SLC30A8: variants seen among roughly 807,000 people sequenced by gnomAD.
SLC30A8 encodes proton-coupled zinc antiporter SLC30A8.
Under a neutral mutation model 36.9 loss-of-function variants are expected in SLC30A8, and 27 were observed. That is an observed-to-expected ratio of 0.73 (90% CI 0.54 to 1.01). The LOEUF (loss-of-function observed/expected upper bound fraction) is 1.01, where lower values mean the gene tolerates loss of function less well. Ranked by LOEUF, SLC30A8 falls within the 50% of genes least tolerant of loss-of-function variation. SLC30A8 has a pLI of 0.00. For synonymous variants in SLC30A8, 164 were observed against 172.4 expected (o/e 0.95, Z 0.38); for missense variants, 439 against 452.0 (o/e 0.97, Z 0.26).
chr8:117,099,442 C>T (rs1563596263), intron 2 of SLC30A8, among the ~76,000 whole-genome samples: 1 of 152,162 alleles, frequency 6.6e-6, no homozygotes, highest in African/African-American at 2.4e-5. Flanking sequence ...CTCAATGCTG[C>T]TTTACTTAAT....
chr8:117,170,994 A>G, intron 6 of SLC30A8, 40 bp from the exon 7 acceptor site: 3 of 1,531,666 alleles, frequency 2.0e-6, no homozygotes, highest in Non-Finnish European at 2.6e-6. Context: ...AGCTGTATCT[A>G]GTTGAATAAC....
intron 2 of SLC30A8, among the ~76,000 whole-genome samples, chr8:117,118,964 G>C (rs1038593770): frequency 6.6e-6 from 1 of 151,818 alleles, no homozygotes; most frequent in Non-Finnish European, 1.5e-5. Context: ...AATTCCTATG[G>C]GCCTCTGAGA....
chr8:117,078,446 T>C (rs1183022635), intron 2 of SLC30A8, among the ~76,000 whole-genome samples: 2 of 152,194 alleles, frequency 1.3e-5, no homozygotes, highest in African/African-American at 4.8e-5. Flanking sequence ...GATGTGATTC[T>C]AACTTTTGGC....
chr8:117,002,576 A>G (rs184703561), intron 1 of SLC30A8, among the ~76,000 whole-genome samples: 3 of 152,206 alleles, frequency 2.0e-5, no homozygotes, highest in Admixed American at 1.3e-4. Context: ...CAGTGTTTCT[A>G]TTGAAAGATG....
At chr8:117,168,517 A>AAGTT (rs1357346408) in intron 6 of SLC30A8, among the ~76,000 whole-genome samples, 1 of 152,130 alleles carries the variant, frequency 6.6e-6, no homozygotes, top group African/African-American at 2.4e-5. Context: ...AAGTAAAAGA[A>AAGTT]AGTTCTAGGA....
chr8:116,991,650 T>A (rs138058351), intron 1 of SLC30A8, among the ~76,000 whole-genome samples: 9 of 152,310 alleles, frequency 5.9e-5, no homozygotes, highest in African/African-American at 2.2e-4. Flanking sequence ...TTTTTTATAA[T>A]TTGTGGCATC....
intron 4 of SLC30A8, among the ~76,000 whole-genome samples, 169 bp downstream of exon 4, chr8:117,158,013 A>C (rs7001168): frequency 0.14 from 20,767 of 152,188 alleles, 2,842 homozygotes; most frequent in African/African-American, 0.35. Context: ...GTTTAAGCTA[A>C]AGTGTTTTTT....
intron 1 of SLC30A8, among the ~76,000 whole-genome samples, chr8:116,977,746 A>T (rs190568721): frequency 5.3e-5 from 8 of 151,920 alleles, no homozygotes. Flanking sequence ...TCTTGATCTC[A>T]TGATCCACCT....
At chr8:117,123,091 C>T (rs1820750960) in intron 2 of SLC30A8, among the ~76,000 whole-genome samples, 1 of 151,902 alleles carries the variant, frequency 6.6e-6, no homozygotes, top group Non-Finnish European at 1.5e-5. Context: ...GAAGTTTCTC[C>T]GTCTTCTGTC....
Position 117,169,960 on chromosome 8 carries a change from T to C in SLC30A8, c.830-1074T>C, listed in dbSNP as rs1263969424. On this transcript the variant is annotated intron_variant, in intron 6 of 7. Coordinates refer to ENST00000456015, the MANE Select transcript of SLC30A8 (RefSeq NM_173851.3). ...ACTATATCACCCAGAGATTCTGATT[T>C]AATTGTCTGGGGTTGGGGCTGGCTT... 2.0e-5 allele frequency among the ~76,000 whole-genome samples: 3 copies of C among 152,108 alleles called. No homozygotes were observed. The South Asian group carries it at 6.2e-4, about 32-fold the overall frequency.
intron 1 of SLC30A8, chr8:117,007,126 C>T (rs1816210026): frequency 6.6e-6 from 1 of 151,674 alleles, no homozygotes; most frequent in South Asian, 2.1e-4. Context: ...AATTTGAATT[C>T]TAAAACCTAT....
intron 1 of SLC30A8, among the ~76,000 whole-genome samples, chr8:116,988,076 C>T (rs1815509126): frequency 6.6e-6 from 1 of 152,072 alleles, no homozygotes; most frequent in Admixed American, 6.6e-5. Context: ...GAGATATCCC[C>T]ATTTGGCACT....
intron 2 of SLC30A8, among the ~76,000 whole-genome samples, chr8:117,125,271 A>G (rs1820855521): frequency 6.6e-6 from 1 of 151,976 alleles, no homozygotes. Context: ...GGGTTTTGGT[A>G]ATTTTCATTT....
At position 117,149,775 on chromosome 8, in the gene SLC30A8, C is replaced by T. The variant is rs1186137226; in HGVS notation, c.271+2622C>T. Reference sequence around the variant, plus strand: ...GGGCATCTGTATGATGATCATCTACCTTACACATATTTATTTTACAATCGT... The same window carrying T: ...GGGCATCTGTATGATGATCATCTACTTTACACATATTTATTTTACAATCGT... On this transcript the variant is annotated intron_variant, in intron 2 of 7. Transcript: ENST00000456015. Among the ~76,000 whole-genome samples the T allele has an allele frequency of 7.2e-5, 11 of 152,276 alleles. No individual in the cohort carries two copies. In the East Asian group the frequency reaches 1.9e-3, roughly 27 times the overall value.
chr8:117,107,378 C>T (rs1820039162), intron 2 of SLC30A8, among the ~76,000 whole-genome samples: 1 of 152,028 alleles, frequency 6.6e-6, no homozygotes. Flanking sequence ...TGGACCTGTG[C>T]CTTGCAATGG....
chr8:116,996,096 C>T (rs1488420284), intron 1 of SLC30A8, among the ~76,000 whole-genome samples: 1 of 152,218 alleles, frequency 6.6e-6, no homozygotes, highest in Non-Finnish European at 1.5e-5. Context: ...TTACTTCCAA[C>T]TGTCTTGGTA....
intron 2 of SLC30A8, among the ~76,000 whole-genome samples, chr8:117,090,532 G>A (rs1357977527): frequency 6.6e-6 from 1 of 152,114 alleles, no homozygotes; most frequent in Non-Finnish European, 1.5e-5. Context: ...TTGCTTCCTT[G>A]TTCCTAGGTG....
At chr8:117,100,905 C>A (rs1027572372) in intron 2 of SLC30A8, among the ~76,000 whole-genome samples, 4 of 152,162 alleles carry the variant, frequency 2.6e-5, no homozygotes, top group Non-Finnish European at 4.4e-5. Context: ...CTGAATCCTT[C>A]TTAATGTCTC....
chr8:116,986,423 C>T (rs1055212590), intron 1 of SLC30A8, among the ~76,000 whole-genome samples: 28 of 152,248 alleles, frequency 1.8e-4, no homozygotes, highest in Non-Finnish European at 4.1e-4. Flanking sequence ...CACTAAATCC[C>T]ATACTGATGA....
Sources: allele counts gnomAD v4.1 joint callset (sites outside exome capture counted in the v4.1 genomes callset), GRCh38; gene constraint gnomAD v4.1.1; transcripts MANE v1.5; gene names NCBI Gene and HGNC (gene_info 2026-07-23, HGNC 2026-07-21).